The following CATSPERT variants were observed in gnomAD, a reference collection of about 807,000 sequenced individuals.
CATSPERT encodes catsper channel auxiliary subunit tau, also known as cation channel sperm-associated targeting subunit tau.
chr2:201,556,313 T>C, the CATSPERT span, among the ~76,000 whole-genome samples: 1 of 151,674 alleles, frequency 6.6e-6, no homozygotes, highest in East Asian at 1.9e-4. Context: ...ATCGAGACCA[T>C]CCTGGCTAAC....
the CATSPERT span, among the ~76,000 whole-genome samples, chr2:201,589,095 G>C: frequency 6.6e-6 from 1 of 152,002 alleles, no homozygotes. Context: ...ACTGCTCAAA[G>C]AAGTCAGGGA....
the CATSPERT span, among the ~76,000 whole-genome samples, chr2:201,565,428 G>A: frequency 4.6e-5 from 7 of 152,044 alleles, no homozygotes; most frequent in Non-Finnish European, 7.4e-5. Flanking sequence ...GAGCATAATC[G>A]TGCCACTACA....
chr2:201,589,265 C>A, the CATSPERT span, among the ~76,000 whole-genome samples: 1 of 152,204 alleles, frequency 6.6e-6, no homozygotes, highest in South Asian at 2.1e-4. Flanking sequence ...CTTTAAAATT[C>A]ATATAGAACC....
At chr2:201,538,725 G>A in the CATSPERT span, among the ~76,000 whole-genome samples, 527 of 152,014 alleles carry the variant, frequency 3.5e-3, 4 homozygotes, top group African/African-American at 0.012. Context: ...ATAGGTAAAC[G>A]TGTGTCATGG....
At chr2:201,598,374 G>A in the CATSPERT span, among the ~76,000 whole-genome samples, 5 of 152,110 alleles carry the variant, frequency 3.3e-5, no homozygotes, top group East Asian at 9.7e-4. Flanking sequence ...CAAAATCCTG[G>A]GATTATAGGC....
the CATSPERT span, among the ~76,000 whole-genome samples, chr2:201,529,953 C>A: frequency 1.3e-5 from 2 of 152,038 alleles, no homozygotes; most frequent in African/African-American, 4.8e-5. Context: ...AGGAACTGAA[C>A]AGACATGGCT....
At chr2:201,603,596 A>G in the CATSPERT span, among the ~76,000 whole-genome samples, 1 of 152,208 alleles carries the variant, frequency 6.6e-6, no homozygotes, top group East Asian at 1.9e-4. Context: ...GTGAGAACTG[A>G]TAAAATATAG....
the CATSPERT span, among the ~76,000 whole-genome samples, chr2:201,562,722 C>T: frequency 0.048 from 6,437 of 135,338 alleles, 183 homozygotes; most frequent in African/African-American, 0.071. Context: ...TGACTCTTAA[C>T]GAGCATGCTG....
At chr2:201,505,796 G>A in the CATSPERT span, among the ~76,000 whole-genome samples, 5 of 152,076 alleles carry the variant, frequency 3.3e-5, no homozygotes, top group Admixed American at 6.5e-5. Flanking sequence ...TAATAGTAAC[G>A]TACTAATGTT....
chr2:201,614,002 T>G, the CATSPERT span, among the ~76,000 whole-genome samples: 7 of 151,960 alleles, frequency 4.6e-5, 1 homozygote, highest in Admixed American at 4.6e-4. Flanking sequence ...GAAGAGAAGT[T>G]GATAGAAAAA....
chr2:201,530,448 A>G, the CATSPERT span, among the ~76,000 whole-genome samples: 1 of 152,224 alleles, frequency 6.6e-6, no homozygotes, highest in Admixed American at 6.5e-5. Flanking sequence ...CTGTCTGTGG[A>G]TAAAATAATT....
At chr2:201,545,603 C>G in the CATSPERT span, 1 of 1,263,252 alleles carries the variant, frequency 7.9e-7, no homozygotes, top group Non-Finnish European at 1.0e-6. Flanking sequence ...TTTTCAGATG[C>G]CTCATCTATA....
At chr2:201,555,604 A>T in the CATSPERT span, 3 of 152,206 alleles carry the variant, frequency 2.0e-5, no homozygotes, top group African/African-American at 7.2e-5. Flanking sequence ...ACGAATTTTT[A>T]TAGGAGCCAT....
At chr2:201,529,365 G>A in the CATSPERT span, among the ~76,000 whole-genome samples, 2 of 152,122 alleles carry the variant, frequency 1.3e-5, no homozygotes, top group African/African-American at 4.8e-5. Context: ...TAAAGCTATT[G>A]TAATAAAAAC....
chr2:201,536,447 T>A, the CATSPERT span: 4 of 1,204,634 alleles, frequency 3.3e-6, no homozygotes, highest in Non-Finnish European at 4.4e-6. Flanking sequence ...ACCATTATTA[T>A]TTGTAAATTT....
At chr2:201,573,640 C>T in the CATSPERT span, among the ~76,000 whole-genome samples, 1 of 152,176 alleles carries the variant, frequency 6.6e-6, no homozygotes, top group Admixed American at 6.6e-5. Context: ...TATGTGTACA[C>T]ACAAATAAAA....
At chr2:201,567,842 T>C in the CATSPERT span, among the ~76,000 whole-genome samples, 1 of 152,212 alleles carries the variant, frequency 6.6e-6, no homozygotes. Context: ...TGGCTGCCGC[T>C]AACACGTCAT....
the CATSPERT span, among the ~76,000 whole-genome samples, chr2:201,576,864 A>G: frequency 6.6e-6 from 1 of 152,202 alleles, no homozygotes; most frequent in South Asian, 2.1e-4. Flanking sequence ...ATTCTATATG[A>G]TAAGCTGAGT....
chr2:201,582,995 A>T, the CATSPERT span, among the ~76,000 whole-genome samples: 2 of 152,192 alleles, frequency 1.3e-5, no homozygotes, highest in African/African-American at 4.8e-5. Flanking sequence ...TTTTTCAACA[A>T]TTTGGCATCT....
Sources: allele counts gnomAD v4.1 joint callset (sites outside exome capture counted in the v4.1 genomes callset), GRCh38; gene constraint gnomAD v4.1.1; transcripts MANE v1.5; gene names NCBI Gene and HGNC (gene_info 2026-07-23, HGNC 2026-07-21).